Variants in TPR observed in about 807,000 individuals in gnomAD.
TPR encodes translocated promoter region, nuclear basket protein.
TPR carries 51 observed loss-of-function variants against 316.1 expected under a neutral mutation model. That is an observed-to-expected ratio of 0.16 (90% CI 0.13 to 0.20). The LOEUF (loss-of-function observed/expected upper bound fraction) is 0.20, where lower values mean the gene tolerates loss of function less well. Among genes scored for constraint, TPR ranks in the 10% least tolerant of loss-of-function variants. The pLI is 1.00. For synonymous variants in TPR, 981 were observed against 914.7 expected, an observed-to-expected ratio of 1.07 and a Z score of -1.31; for missense variants, 2,272 against 2,754.8, an observed-to-expected ratio of 0.82 and a Z score of 3.92.
Position 186,312,220 on chromosome 1 carries a change from A to G in TPR, c.*1751T>C. ...ATTTATAAACAGGAACCTGTACAGAAGTGCCCTGGAAGAAGGCCTGCTCTA... is the reference window on the plus strand; with the variant it reads ...ATTTATAAACAGGAACCTGTACAGAGGTGCCCTGGAAGAAGGCCTGCTCTA... On this transcript the variant is annotated 3_prime_UTR_variant, in exon 51 of 51. Coordinates refer to ENST00000367478, the MANE Select transcript of TPR (RefSeq NM_003292.3). The G allele has an allele frequency of 6.2e-7, 1 of 1,614,064 alleles. No homozygotes were observed.
chr1:186,334,608 A>G (rs1198203984), intron 35 of TPR, 75 bp from the exon 36 acceptor site: 2 of 1,443,564 alleles, frequency 1.4e-6, no homozygotes, highest in Non-Finnish European at 1.9e-6. Context: ...CAGTGAGTAT[A>G]GGTCTCCATT....
chr1:186,356,336 A>T lies in TPR; in HGVS notation c.1838T>A (p.Met613Lys). 5 of 1,613,746 alleles carry T rather than the reference A, an allele frequency of 3.1e-6. No individual in the cohort carries two copies. The highest frequency in any genetic ancestry group is 4.2e-6 in the Non-Finnish European group (5 of 1,179,774). The part of the protein sequence containing the change: ...LVDSIVRQRD[M>K]YRILLSQTTG... ...TGTTTGTGACAATAAAATACGGTAC[A>T]TATCACGCTGACGAACTATGGAATC... is the stretch of plus-strand genomic sequence containing the variant. The change falls in exon 15 of 51, where the codon ATG becomes AAG. Residue 613 changes from methionine (M) to lysine (K), a missense_variant. By Grantham distance (95) the Met-to-Lys change is moderately conservative (BLOSUM62 -1). Coordinates refer to ENST00000367478, the MANE Select transcript of TPR (RefSeq NM_003292.3).
At chr1:186,333,567 T>C (rs188647118) in intron 36 of TPR, among the ~76,000 whole-genome samples, 173 bp from the exon 37 acceptor site, 13 of 152,238 alleles carry the variant, frequency 8.5e-5, no homozygotes, top group African/African-American at 3.1e-4. Context: ...ATGTAATTGA[T>C]ATGGTAGCAT....
chr1:186,346,101 T>C (rs1658669223), intron 23 of TPR, 34 bp downstream of exon 23: 4 of 1,553,096 alleles, frequency 2.6e-6, no homozygotes, highest in Non-Finnish European at 3.5e-6. Context: ...TCCTTACAAG[T>C]TAAAAAAAAA....
Position 186,318,525 on chromosome 1 carries a change from G to C in TPR, c.6743C>G (p.Thr2248Ser). The C allele has an allele frequency of 6.2e-7, 1 of 1,614,154 alleles. No individual in the cohort carries two copies. The highest frequency in any genetic ancestry group is 1.3e-5 in the African/African-American group (1 of 75,050). ...TTCATTTGTTGTAGATAAAGTGCCA[G>C]TGGATGTAGTCACCATTGGAACAGA... is the stretch of plus-strand genomic sequence containing the variant. ...SQSVPMVTTS[T>S]GTLSTTNETA... The change falls in exon 48 of 51, where the codon ACT (threonine) becomes AGT (serine). Residue 2248 changes from threonine (T) to serine (S), a missense_variant. Coordinates refer to ENST00000367478, the MANE Select transcript of TPR (RefSeq NM_003292.3).
Position 186,311,971 on chromosome 1 carries a change from G to C in TPR, c.*2000C>G. The C allele has an allele frequency of 1.8e-6, 1 of 568,714 alleles. No homozygotes were observed. Among genetic ancestry groups the C allele is most frequent in the Non-Finnish European group, 3.1e-6 (1 of 325,366 alleles). 35.2% of individuals were successfully genotyped at this position (568,714 alleles called of 1,614,324 possible). On this transcript the variant is annotated 3_prime_UTR_variant, in exon 51 of 51. Coordinates refer to ENST00000367478, the MANE Select transcript of TPR (RefSeq NM_003292.3). ...AATTAAATATATAACTATGTAATTT[G>C]CTGCATCTATTCATTCAACAAGTAT...
chr1:186,352,066 C>T lies in TPR; in HGVS notation c.2379G>A (p.Leu793=), dbSNP rs761733223. The change falls in exon 19 of 51, where the codon TTG becomes TTA. Residue 793 remains leucine (L), a synonymous_variant. Transcript: ENST00000367478. ...NLKKEKEMLK[L]SEVRLSQQRE... is the part of the protein sequence containing the mutation. ...TTTGCTGAGAAAGACGAACTTCAGA[C>T]AATTTAAGCATTTCCTTTTCCTTCT... 23 of 1,608,344 alleles carry T rather than the reference C, an allele frequency of 1.4e-5. No individual in the cohort carries two copies. The highest frequency in any genetic ancestry group is 1.2e-4 in the Admixed American group (7 of 58,808).
At position 186,336,701 on chromosome 1, in the gene TPR, AG is replaced by A. The variant is rs1558004713; in HGVS notation, c.4507-8del. On this transcript the variant is annotated splice_region_variant and splice_polypyrimidine_tract_variant and intron_variant, in intron 32 of 50. Coordinates refer to ENST00000367478, the MANE Select transcript of TPR (RefSeq NM_003292.3). ...TCTCTTTTTCAGATAATGTCTTTAA[AG>A]GAAAACAAAGTATTCACCATGGAAT... 1 of 1,610,440 alleles carries A rather than the reference AG, an allele frequency of 6.2e-7. No individual in the cohort carries two copies. Among genetic ancestry groups the A allele is most frequent in the East Asian group, 2.2e-5 (1 of 44,800 alleles).
At chr1:186,319,860 T>C (rs1657725261) in intron 46 of TPR, among the ~76,000 whole-genome samples, 1 of 152,190 alleles carries the variant, frequency 6.6e-6, no homozygotes, top group Non-Finnish European at 1.5e-5. Context: ...CATATTTTGA[T>C]CTTTTATTTT....
At chr1:186,325,076 C>T (rs146822182) in intron 42 of TPR, among the ~76,000 whole-genome samples, 4 of 152,060 alleles carry the variant, frequency 2.6e-5, no homozygotes, top group Middle Eastern at 3.4e-3. Context: ...GAGAATATAT[C>T]TTGCCCTTTT....
chr1:186,349,285 T>C (rs577786453), intron 21 of TPR, among the ~76,000 whole-genome samples: 62 of 152,340 alleles, frequency 4.1e-4, no homozygotes, highest in Admixed American at 2.5e-3. Flanking sequence ...GTACTGCTTT[T>C]GCACCACAGG....
chr1:186,337,679 T>C (rs1042973849), intron 31 of TPR, among the ~76,000 whole-genome samples: 3 of 152,036 alleles, frequency 2.0e-5, no homozygotes, highest in Non-Finnish European at 4.4e-5. Flanking sequence ...AACAAAGATT[T>C]CTGAATTTTT....
chr1:186,351,009 G>A (rs1658845453), intron 20 of TPR, among the ~76,000 whole-genome samples: 1 of 152,158 alleles, frequency 6.6e-6, no homozygotes, highest in African/African-American at 2.4e-5. Context: ...GTTCCAGAAT[G>A]CACACTGCTC....
chr1:186,361,572 A>C, intron 9 of TPR, 50 bp downstream of exon 9: 1 of 1,580,248 alleles, frequency 6.3e-7, no homozygotes, highest in Non-Finnish European at 8.6e-7. Flanking sequence ...GTAAAAAAAA[A>C]AAAAGAGTAC....
intron 19 of TPR, 145 bp from the exon 20 acceptor site, chr1:186,351,615 C>T: frequency 3.4e-6 from 3 of 870,442 alleles, no homozygotes; most frequent in Non-Finnish European, 4.8e-6. Flanking sequence ...AGAAAGTATT[C>T]TGGTATTTTT....
At position 186,371,410 on chromosome 1, in the gene TPR, A is replaced by G. The variant is rs116159447; in HGVS notation, c.257-367T>C. ...AAAATGGAGTTAAAAAGACAGGATC[A>G]AGAGAGAAAAAGCATTTAAACTATA... On this transcript the variant is annotated intron_variant, in intron 2 of 50. Coordinates refer to ENST00000367478, the MANE Select transcript of TPR (RefSeq NM_003292.3). Among the ~76,000 whole-genome samples, 716 of 152,320 alleles carry G rather than the reference A, an allele frequency of 4.7e-3. 6 individuals are homozygous for G. Among genetic ancestry groups the G allele is most frequent in the African/African-American group, 0.016 (682 of 41,572 alleles).
Position 186,327,576 on chromosome 1 carries a change from A to G in TPR, c.5773T>C (p.Ser1925Pro). The G allele has an allele frequency of 6.2e-7, 1 of 1,612,802 alleles. No homozygotes were observed. Among genetic ancestry groups the G allele is most frequent in the Non-Finnish European group, 8.5e-7 (1 of 1,179,774 alleles). Reference protein sequence around the residue: ...SLQIDLGPLQSDQQTTTSSQD... With the variant: ...SLQIDLGPLQPDQQTTTSSQD... ...GATGAAGTTGTCGTCTGCTGATCTG[A>G]TTGAAGTGGCCCAAGATCTATTTGT... The change falls in exon 40 of 51, where the codon TCA becomes CCA. Residue 1925 changes from serine to proline, a missense_variant. By Grantham distance (74) the Ser-to-Pro change is moderately conservative. This residue lies in a region of TPR where 435 missense variants were observed against 461.1 expected (regional missense o/e 0.94). Transcript: ENST00000367478.
At chr1:186,337,499 A>G (rs1194944902) in intron 31 of TPR, among the ~76,000 whole-genome samples, 1 of 152,158 alleles carries the variant, frequency 6.6e-6, no homozygotes, top group Non-Finnish European at 1.5e-5. Context: ...ACATGTATGA[A>G]AAGGGATACT....
Position 186,336,678 on chromosome 1 carries a change from T to A in TPR, c.4523A>T (p.Glu1508Val), listed in dbSNP as rs1172196912. 1 of 1,613,312 alleles carries A rather than the reference T, an allele frequency of 6.2e-7. No homozygotes were observed. Residue 1508 changes from glutamate to valine, a missense_variant, in exon 33 of 51, where the codon GAG (glutamate) becomes GTG (valine). By Grantham distance (121) the Glu-to-Val change is moderately radical (BLOSUM62 -2). This residue lies in a region of TPR where 101 missense variants were observed against 113.0 expected (regional missense o/e 0.89). Coordinates refer to ENST00000367478, the MANE Select transcript of TPR (RefSeq NM_003292.3). The stretch of plus-strand genomic sequence containing the variant: ...TTCCTGGAGATTTCTTGCTTCTGTC[T>A]CTTTTTCAGATAATGTCTTTAAAGG... ...ENLQKTLSEKETEARNLQEQT... is the reference protein window; with the variant it reads ...ENLQKTLSEKVTEARNLQEQT...
Sources: allele counts gnomAD v4.1 joint callset (sites outside exome capture counted in the v4.1 genomes callset), GRCh38; gene constraint gnomAD v4.1.1; regional missense constraint gnomAD v4.1.1; transcripts MANE v1.5; gene names NCBI Gene and HGNC (gene_info 2026-07-23, HGNC 2026-07-21).